The following TMPRSS15 variants were observed in gnomAD, a reference collection of about 807,000 sequenced individuals.
TMPRSS15 encodes transmembrane serine protease 15, also known as enteropeptidase.
Under a neutral mutation model 125.3 loss-of-function variants are expected in TMPRSS15, and 128 were observed. That is an observed-to-expected ratio of 1.02 (90% CI 0.89 to 1.18). The LOEUF is 1.18. Among genes scored for constraint, TMPRSS15 ranks in the 50% most tolerant of loss-of-function variants. The pLI is 0.00. For missense variants in TMPRSS15, 1,283 were observed against 1,212.7 expected (o/e 1.06, Z -0.86); for synonymous variants, 446 against 423.2 (o/e 1.05, Z -0.66).
intron 24 of TMPRSS15, among the ~76,000 whole-genome samples, chr21:18,270,929 A>C (rs2074547472): frequency 6.6e-6 from 1 of 152,204 alleles, no homozygotes; most frequent in Non-Finnish European, 1.5e-5. Context: ...TTATGAAGAC[A>C]TTTAAAGTTT....
At chr21:18,451,205 C>G (rs1360317276) in intron 1 of TMPRSS15, among the ~76,000 whole-genome samples, 1 of 151,910 alleles carries the variant, frequency 6.6e-6, no homozygotes, top group Admixed American at 6.6e-5. Context: ...AATAAAAAGC[C>G]CATCATAAAC....
At chr21:18,349,370 C>A (rs905868406) in intron 10 of TMPRSS15, among the ~76,000 whole-genome samples, 2 of 152,146 alleles carry the variant, frequency 1.3e-5, no homozygotes, top group Non-Finnish European at 2.9e-5. Flanking sequence ...GAAGCCATTG[C>A]TTCACCAGAA....
chr21:18,455,908 A>G (rs1978433299), intron 1 of TMPRSS15, among the ~76,000 whole-genome samples: 1 of 152,186 alleles, frequency 6.6e-6, no homozygotes, highest in East Asian at 1.9e-4. Context: ...TTGTATAGCA[A>G]TCTAGATAAC....
chr21:18,279,460 G>T (rs2074665270), intron 22 of TMPRSS15, among the ~76,000 whole-genome samples: 1 of 150,280 alleles, frequency 6.7e-6, no homozygotes, highest in East Asian at 1.9e-4. Flanking sequence ...CGAGTAGCTG[G>T]GACTACAGGC....
At chr21:18,434,024 T>C (rs1460812694) in intron 1 of TMPRSS15, among the ~76,000 whole-genome samples, 2 of 152,218 alleles carry the variant, frequency 1.3e-5, no homozygotes, top group Non-Finnish European at 2.9e-5. Context: ...CTCTTTCACA[T>C]GGATCCATTT....
chr21:18,348,901 C>T (rs1303223598), intron 10 of TMPRSS15, among the ~76,000 whole-genome samples: 1 of 152,142 alleles, frequency 6.6e-6, no homozygotes, highest in Non-Finnish European at 1.5e-5. Context: ...TTTTTCTAAA[C>T]ATAGCAATCA....
At chr21:18,459,099 C>A (rs1215053287) in intron 1 of TMPRSS15, among the ~76,000 whole-genome samples, 7 of 152,058 alleles carry the variant, frequency 4.6e-5, no homozygotes, top group Admixed American at 4.6e-4. Context: ...ATAAAGTGTA[C>A]AAGGTCAAGT....
chr21:18,321,992 A>ACTT (rs2146954160), intron 16 of TMPRSS15, among the ~76,000 whole-genome samples: 1 of 152,322 alleles, frequency 6.6e-6, no homozygotes, highest in South Asian at 2.1e-4. Context: ...CTTAAAAATA[A>ACTT]CTTCATACAT....
intron 19 of TMPRSS15, among the ~76,000 whole-genome samples, chr21:18,297,320 TC>T (rs2074918241): frequency 1.3e-5 from 2 of 152,166 alleles, no homozygotes. Flanking sequence ...ATCAAGATAT[TC>T]CCCTCTTTCT....
intron 1 of TMPRSS15, among the ~76,000 whole-genome samples, chr21:18,398,763 C>T (rs1160368523): frequency 1.3e-5 from 2 of 152,084 alleles, no homozygotes; most frequent in Non-Finnish European, 2.9e-5. Flanking sequence ...CATCCAGGGA[C>T]ACCACTGGGT....
At chr21:18,426,277 T>G (rs2076202465) in intron 1 of TMPRSS15, among the ~76,000 whole-genome samples, 1 of 152,016 alleles carries the variant, frequency 6.6e-6, no homozygotes, top group African/African-American at 2.4e-5. Flanking sequence ...TACCAAGGAG[T>G]AGTATAGTTA....
chr21:18,320,961 G>A, intron 16 of TMPRSS15, among the ~76,000 whole-genome samples: 1 of 152,100 alleles, frequency 6.6e-6, no homozygotes. Context: ...CTCCAGTAGC[G>A]TTGCCTCATT....
At chr21:18,282,008 G>A (rs1489368586) in intron 21 of TMPRSS15, among the ~76,000 whole-genome samples, 1 of 143,958 alleles carries the variant, frequency 6.9e-6, no homozygotes, top group Non-Finnish European at 1.5e-5. Flanking sequence ...AGAGGCAGGA[G>A]AATGGCGTGA....
At chr21:18,405,136 C>G (rs2076141029), upstream of TMPRSS15, among the ~76,000 whole-genome samples, 1 of 152,054 alleles carries the variant, frequency 6.6e-6, no homozygotes, top group East Asian at 1.9e-4. Flanking sequence ...TATCATATAG[C>G]GCTTTAAGTT....
intron 6 of TMPRSS15, among the ~76,000 whole-genome samples, chr21:18,369,187 C>T (rs75695747): frequency 1.5e-3 from 225 of 152,238 alleles, no homozygotes; most frequent in Admixed American, 2.5e-3. Context: ...GGATGGAACA[C>T]ATAAGGGTAA....
chr21:18,271,129 A>G (rs1367102072), intron 24 of TMPRSS15, among the ~76,000 whole-genome samples: 1 of 152,162 alleles, frequency 6.6e-6, no homozygotes, highest in East Asian at 1.9e-4. Context: ...ACTGGCGACC[A>G]TAGGTTACCA....
At chr21:18,309,946 G>T (rs912646620) in intron 18 of TMPRSS15, among the ~76,000 whole-genome samples, 1 of 152,228 alleles carries the variant, frequency 6.6e-6, no homozygotes, top group Admixed American at 6.5e-5. Flanking sequence ...TCACTTGGAT[G>T]AGGCTTGGAG....
chr21:18,464,870 A>G (rs115884081), intron 1 of TMPRSS15, among the ~76,000 whole-genome samples: 77 of 152,318 alleles, frequency 5.1e-4, no homozygotes, highest in African/African-American at 1.7e-3. Flanking sequence ...AAACTCTTAC[A>G]AACAATAGAA....
intron 6 of TMPRSS15, among the ~76,000 whole-genome samples, chr21:18,368,413 G>A (rs1373852642): frequency 6.6e-6 from 1 of 152,154 alleles, no homozygotes; most frequent in African/African-American, 2.4e-5. Context: ...GCCGATGAAC[G>A]ATTGTAAAAG....
Sources: gnomAD v4.1 joint callset for allele counts (sites outside exome capture counted in the v4.1 genomes callset) on GRCh38, gnomAD v4.1.1 for gene constraint, MANE v1.5 for transcripts, NCBI Gene and HGNC (gene_info 2026-07-23, HGNC 2026-07-21) for gene names.